The following GRB10 variants were observed in gnomAD, a reference collection of about 807,000 sequenced individuals.
The protein encoded by GRB10 is growth factor receptor-bound protein 10.
A neutral mutation model predicts 80.9 loss-of-function variants in GRB10; 20 were observed. The observed-to-expected ratio is 0.25, with a 90% CI of 0.17 to 0.36. The LOEUF (loss-of-function observed/expected upper bound fraction) is 0.36. GRB10 is among the 10% of genes least tolerant of loss of function. The probability of loss-of-function intolerance (pLI) is 1.00; values close to 1 mark genes in which losing one functional copy is unlikely to be tolerated. For synonymous variants in GRB10, 291 were observed against 291.5 expected, an observed-to-expected ratio of 1.00 and a Z score of 0.02; for missense variants, 548 against 747.7, an observed-to-expected ratio of 0.73 and a Z score of 3.12.
chr7:50,662,621 A>C (rs1375760456), intron 7 of GRB10, among the ~76,000 whole-genome samples: 1 of 152,238 alleles, frequency 6.6e-6, no homozygotes, highest in Non-Finnish European at 1.5e-5. Flanking sequence ...CTGTACCTCT[A>C]GTTGGCTGTG....
At chr7:50,717,576 G>A (rs1375861451) in intron 4 of GRB10, among the ~76,000 whole-genome samples, 1 of 152,214 alleles carries the variant, frequency 6.6e-6, no homozygotes, top group East Asian at 1.9e-4. Context: ...ACAGATACAG[G>A]TAATCTACAG....
chr7:50,716,673 G>A (rs1399234631), intron 4 of GRB10, among the ~76,000 whole-genome samples: 2 of 152,154 alleles, frequency 1.3e-5, no homozygotes, highest in African/African-American at 4.8e-5. Context: ...ATGCAACACA[G>A]GAGATGAAAA....
At chr7:50,707,490 G>A (rs1266587497) in intron 4 of GRB10, among the ~76,000 whole-genome samples, 1 of 152,198 alleles carries the variant, frequency 6.6e-6, no homozygotes. Context: ...TTTCTCATCA[G>A]CAGAACATTT....
At chr7:50,668,436 C>T (rs978256478) in intron 7 of GRB10, among the ~76,000 whole-genome samples, 1 of 152,192 alleles carries the variant, frequency 6.6e-6, no homozygotes, top group Non-Finnish European at 1.5e-5. Flanking sequence ...ACAGTGGCTG[C>T]AATCACAGGC....
intron 1 of GRB10, among the ~76,000 whole-genome samples, chr7:50,791,372 A>G (rs1053820759): frequency 2.0e-5 from 3 of 152,214 alleles, no homozygotes; most frequent in East Asian, 1.9e-4. Flanking sequence ...CGAGTGTGTG[A>G]CTGGCAGGCT....
chr7:50,785,830 C>A (rs539651825), upstream of GRB10, among the ~76,000 whole-genome samples: 1 of 152,246 alleles, frequency 6.6e-6, no homozygotes, highest in East Asian at 1.9e-4. Flanking sequence ...AGAAACGATA[C>A]ACAAAAAGTT....
At chr7:50,737,533 AG>A (rs1418327570) in intron 3 of GRB10, among the ~76,000 whole-genome samples, 2 of 152,206 alleles carry the variant, frequency 1.3e-5, no homozygotes, top group Non-Finnish European at 2.9e-5. Flanking sequence ...ACCTAGTCTC[AG>A]GTAGTTCTTT....
chr7:50,676,347 G>T (rs906001628), intron 5 of GRB10, among the ~76,000 whole-genome samples: 126 of 151,246 alleles, frequency 8.3e-4, no homozygotes, highest in African/African-American at 2.1e-3. Context: ...GGGGGGGGGG[G>T]GGGTTGTAAG....
chr7:50,617,933 C>G, intron 10 of GRB10, 138 bp downstream of exon 10: 1 of 780,506 alleles, frequency 1.3e-6, no homozygotes, highest in Middle Eastern at 2.3e-4. Context: ...CCCCCAACCA[C>G]CCCTCCGGCT....
intron 7 of GRB10, among the ~76,000 whole-genome samples, chr7:50,641,331 C>T (rs1034354673): frequency 1.3e-5 from 2 of 151,900 alleles, no homozygotes; most frequent in Non-Finnish European, 2.9e-5. Context: ...TCAGCCGAAA[C>T]GTTTTGCTGG....
At chr7:50,649,907 C>G (rs1279022513) in intron 7 of GRB10, among the ~76,000 whole-genome samples, 1 of 152,184 alleles carries the variant, frequency 6.6e-6, no homozygotes, top group Non-Finnish European at 1.5e-5. Flanking sequence ...TTAAATTTCA[C>G]ATGGCAACTA....
chr7:50,652,627 G>A (rs1325675382), intron 7 of GRB10, among the ~76,000 whole-genome samples: 1 of 152,170 alleles, frequency 6.6e-6, no homozygotes. Flanking sequence ...TCATTCCAGA[G>A]TGGGAGGAGA....
At position 50,759,083 on chromosome 7, in the gene GRB10, C is replaced by T. The variant is rs550735068; in HGVS notation, c.-216-3027G>A. On this transcript the variant is annotated intron_variant, in intron 2 of 18. Transcript: ENST00000401949. Reference sequence around the variant, plus strand: ...TGGTGGGTGACTGTAGTCCCAGCTACTTAGGAGGCTTAGGTGGGAGGATCG... The same window carrying T: ...TGGTGGGTGACTGTAGTCCCAGCTATTTAGGAGGCTTAGGTGGGAGGATCG... Among the ~76,000 whole-genome samples, 286 of 151,354 alleles carry T rather than the reference C, an allele frequency of 1.9e-3. 1 individual carries two copies. Among genetic ancestry groups the T allele is most frequent in the African/African-American group, 6.7e-3 (277 of 41,248 alleles).
chr7:50,700,011 C>T (rs952689425), intron 5 of GRB10, among the ~76,000 whole-genome samples: 2 of 151,946 alleles, frequency 1.3e-5, no homozygotes, highest in African/African-American at 4.8e-5. Context: ...TGGTGGCGGG[C>T]ACCTGTAGTC....
chr7:50,656,691 C>T (rs1429369060), intron 7 of GRB10, among the ~76,000 whole-genome samples: 2 of 152,198 alleles, frequency 1.3e-5, no homozygotes, highest in Non-Finnish European at 2.9e-5. Flanking sequence ...TCCAAAGCCA[C>T]CGTGTGCTAC....
At chr7:50,787,961 A>G (rs1242194261) in intron 1 of GRB10, among the ~76,000 whole-genome samples, 2 of 152,156 alleles carry the variant, frequency 1.3e-5, no homozygotes, top group Non-Finnish European at 2.9e-5. Context: ...GGCACTGAAC[A>G]TGACCCAGCC....
chr7:50,689,259 G>A (rs1420139731), intron 5 of GRB10, among the ~76,000 whole-genome samples: 1 of 152,338 alleles, frequency 6.6e-6, no homozygotes, highest in African/African-American at 2.4e-5. Flanking sequence ...CACTAGTTAT[G>A]CAAAGGTACT....
intron 3 of GRB10, among the ~76,000 whole-genome samples, chr7:50,737,742 A>G (rs981131153): frequency 1.5e-4 from 23 of 152,180 alleles, no homozygotes; most frequent in Non-Finnish European, 1.5e-5. Flanking sequence ...CCAGCTACTC[A>G]GGAGGCTGAA....
intron 5 of GRB10, among the ~76,000 whole-genome samples, chr7:50,699,724 G>A (rs1186714824): frequency 3.9e-5 from 6 of 152,088 alleles, no homozygotes; most frequent in African/African-American, 1.2e-4. Flanking sequence ...TTATAATTTT[G>A]ATTTCTTGTA....
Sources: gnomAD v4.1 joint callset for allele counts (sites outside exome capture counted in the v4.1 genomes callset) on GRCh38, gnomAD v4.1.1 for gene constraint, MANE v1.5 for transcripts, NCBI Gene and HGNC (gene_info 2026-07-23, HGNC 2026-07-21) for gene names.